NRXN1: variants seen among roughly 807,000 people sequenced by gnomAD.
NRXN1 encodes the protein neurexin-1.
In NRXN1, 39 loss-of-function variants were observed where a neutral mutation model predicts 150.9. The ratio of observed to expected loss-of-function variants is 0.26; its 90% CI spans 0.20 to 0.34. NRXN1 has a LOEUF of 0.34. Ranked by LOEUF, NRXN1 falls within the 10% of genes least tolerant of loss-of-function variation. NRXN1 has a pLI of 1.00. For synonymous variants in NRXN1, 924 were observed against 757.0 expected (o/e 1.22, Z -3.62); for missense variants, 1,815 against 1,949.9 (o/e 0.93, Z 1.30).
chr2:50,326,221 T>G (rs1160045428), intron 17 of NRXN1, among the ~76,000 whole-genome samples: 2 of 152,156 alleles, frequency 1.3e-5, no homozygotes, highest in Non-Finnish European at 2.9e-5. Context: ...TGCTGAAAGA[T>G]GAATTGAATA....
chr2:50,472,287 A>C lies in NRXN1; in HGVS notation c.3244+11T>G. 1 of 1,537,072 alleles carries C rather than the reference A, an allele frequency of 6.5e-7. No individual in the cohort carries two copies. The highest frequency in any genetic ancestry group is 8.8e-7 in the Non-Finnish European group (1 of 1,138,882). On this transcript the variant is annotated intron_variant, in intron 16 of 22. Coordinates refer to ENST00000401669, the MANE Select transcript of NRXN1 (RefSeq NM_001330078.2). ...AGAATTATTTAGAGCATGATGACAA[A>C]AATCTAATACCTTCACATCCTCTCT...
intron 17 of NRXN1, among the ~76,000 whole-genome samples, chr2:50,354,628 GT>G (rs559328096): frequency 4.0e-4 from 55 of 138,696 alleles, no homozygotes; most frequent in Middle Eastern, 3.9e-3. Flanking sequence ...TCTGAAATGG[GT>G]TTTTTTTCCC....
intron 18 of NRXN1, among the ~76,000 whole-genome samples, chr2:50,109,476 G>T (rs950745869): frequency 4.6e-5 from 7 of 151,940 alleles, no homozygotes; most frequent in African/African-American, 1.7e-4. Flanking sequence ...GCATTGCTTT[G>T]ACTTTAAAAT....
intron 18 of NRXN1, among the ~76,000 whole-genome samples, chr2:50,121,978 C>A (rs888278260): frequency 6.6e-6 from 1 of 152,036 alleles, no homozygotes; most frequent in South Asian, 2.1e-4. Flanking sequence ...TTCAGAGAAT[C>A]TCCTCATGTA....
In NRXN1 at chr2:50,348,584, G is replaced by C. The variant is rs77469723; in HGVS notation, c.3365-111614C>G. 8.5e-3 allele frequency among the ~76,000 whole-genome samples: 1,289 copies of C among 152,254 alleles called. 42 individuals are homozygous for C. In the East Asian group the frequency reaches 0.12, roughly 14 times the overall value. On this transcript the variant is annotated intron_variant, in intron 17 of 22. Coordinates refer to ENST00000401669, the MANE Select transcript of NRXN1 (RefSeq NM_001330078.2). ...CAGGAAATGAAAATTCCTAAATCTA[G>C]TGCCCCCAAGGGAAATAGGACATTT... is the stretch of plus-strand genomic sequence containing the variant.
intron 21 of NRXN1, among the ~76,000 whole-genome samples, chr2:49,958,873 C>A (rs1328395073): frequency 6.6e-6 from 1 of 152,106 alleles, no homozygotes; most frequent in Non-Finnish European, 1.5e-5. Flanking sequence ...CTGCTTTGAG[C>A]TGGAAATCCA....
chr2:50,899,670 A>G (rs1294477277), intron 5 of NRXN1, among the ~76,000 whole-genome samples: 2 of 152,216 alleles, frequency 1.3e-5, no homozygotes, highest in African/African-American at 4.8e-5. Flanking sequence ...TGTATTAAAG[A>G]AAGTCTGTAG....
intron 2 of NRXN1, among the ~76,000 whole-genome samples, chr2:50,987,760 GA>G (rs1697941267): frequency 6.6e-6 from 1 of 151,846 alleles, no homozygotes; most frequent in Non-Finnish European, 1.5e-5. Context: ...TAATAACTTG[GA>G]ATCTGGACAT....
At chr2:50,693,534 G>A (rs1332056100) in intron 5 of NRXN1, among the ~76,000 whole-genome samples, 2 of 152,072 alleles carry the variant, frequency 1.3e-5, no homozygotes, top group Non-Finnish European at 2.9e-5. Context: ...GGAACAAAAT[G>A]TGAGACCACA....
chr2:50,952,200 T>C (rs1453517746), intron 2 of NRXN1, among the ~76,000 whole-genome samples: 1 of 151,438 alleles, frequency 6.6e-6, no homozygotes, highest in East Asian at 1.9e-4. Flanking sequence ...TCTCCTGACC[T>C]CGTGATCCGC....
chr2:50,505,543 G>A (rs2092177579), intron 13 of NRXN1, among the ~76,000 whole-genome samples: 3 of 152,146 alleles, frequency 2.0e-5, no homozygotes, highest in Admixed American at 2.0e-4. Context: ...GCTGATCTAA[G>A]AAACAATTCA....
At position 50,620,171 on chromosome 2, in the gene NRXN1, C is replaced by A. The variant is rs1295823671; in HGVS notation, c.1171G>T (p.Val391Leu). ...CCCGTTGTGGTAAGAATCCCATCCA[C>A]TGATATTGTCACCTAGATAACAAAG... ...GIGHAMVTISVDGILTTTGYT... is the reference protein window; with the variant it reads ...GIGHAMVTISLDGILTTTGYT... Residue 391 changes from valine to leucine, a missense_variant, in exon 8 of 23, where the codon GTG (valine) becomes TTG (leucine). Val to Leu is a conservative substitution (Grantham distance 32). This residue lies in a region of NRXN1 where 638 missense variants were observed against 652.6 expected (regional missense o/e 0.98). Coordinates refer to ENST00000401669, the MANE Select transcript of NRXN1 (RefSeq NM_001330078.2). The A allele has an allele frequency of 6.2e-7, 1 of 1,613,310 alleles. No homozygotes were observed. The highest frequency in any genetic ancestry group is 1.7e-5 in the Admixed American group (1 of 59,900).
At chr2:49,933,173 G>T (rs559800804) in intron 22 of NRXN1, among the ~76,000 whole-genome samples, 89 of 152,140 alleles carry the variant, frequency 5.8e-4, no homozygotes, top group Non-Finnish European at 1.0e-3. Flanking sequence ...TGCAAGCTCT[G>T]CCTCCCAGAT....
intron 17 of NRXN1, among the ~76,000 whole-genome samples, chr2:50,320,164 T>C (rs2152973084): frequency 6.6e-6 from 1 of 151,622 alleles, no homozygotes; most frequent in African/African-American, 2.4e-5. Context: ...TCAATTCAAG[T>C]GCCTAACAAT....
At chr2:50,481,259 G>C (rs2090436155) in intron 15 of NRXN1, among the ~76,000 whole-genome samples, 3 of 152,188 alleles carry the variant, frequency 2.0e-5, no homozygotes. Context: ...ATTTTGGAGA[G>C]TTGTGGCTAG....
At chr2:49,954,560 A>C (rs1328173064) in intron 21 of NRXN1, among the ~76,000 whole-genome samples, 1 of 152,176 alleles carries the variant, frequency 6.6e-6, no homozygotes, top group Admixed American at 6.6e-5. Flanking sequence ...ATGCTAATTA[A>C]AGGAGAGAAA....
At position 50,497,426 on chromosome 2, in the gene NRXN1, A is replaced by G; in HGVS notation, c.2786T>C (p.Leu929Pro). 1.2e-6 allele frequency: 2 copies of G among 1,610,236 alleles called. No homozygotes were observed. The highest frequency in any genetic ancestry group is 1.7e-6 in the Non-Finnish European group (2 of 1,177,586). The change falls in exon 14 of 23, where the codon CTT (leucine) becomes CCT (proline). Residue 929 changes from leucine to proline, a missense_variant. This residue lies in a region of NRXN1 where 339 missense variants were observed against 440.3 expected (regional missense o/e 0.77). Coordinates refer to ENST00000401669, the MANE Select transcript of NRXN1 (RefSeq NM_001330078.2). ...ATLQAYTSMHLFFQFKTTSLD... is the reference protein window; with the variant it reads ...ATLQAYTSMHPFFQFKTTSLD... ...GGATGTTGTCTTGAACTGGAAAAAA[A>G]GATGCATAGAAGTGTAGGCTTGCAA...
At chr2:50,545,519 T>C (rs1025140549) in intron 9 of NRXN1, among the ~76,000 whole-genome samples, 4 of 152,132 alleles carry the variant, frequency 2.6e-5, no homozygotes, top group African/African-American at 9.7e-5. Context: ...AGAGATTTGG[T>C]AGATTTTCAG....
intron 18 of NRXN1, among the ~76,000 whole-genome samples, chr2:50,217,987 G>A (rs537062869): frequency 1.3e-5 from 2 of 151,938 alleles, no homozygotes; most frequent in African/African-American, 4.8e-5. Flanking sequence ...TATTTCTGAT[G>A]GCCTCCTTTG....
Sources: allele counts gnomAD v4.1 joint callset (sites outside exome capture counted in the v4.1 genomes callset), GRCh38; gene constraint gnomAD v4.1.1; regional missense constraint gnomAD v4.1.1; transcripts MANE v1.5; gene names NCBI Gene and HGNC (gene_info 2026-07-23, HGNC 2026-07-21).